The following SEMA6D variants were observed in gnomAD, a reference collection of about 807,000 sequenced individuals.
SEMA6D encodes the protein semaphorin 6D.
Under a neutral mutation model 106.6 loss-of-function variants are expected in SEMA6D, and 35 were observed. The ratio of observed to expected loss-of-function variants is 0.33; its 90% CI spans 0.25 to 0.44. SEMA6D has a LOEUF of 0.44. SEMA6D is among the 20% of genes least tolerant of loss of function. SEMA6D has a pLI of 1.00. For missense variants in SEMA6D, 1,185 were observed against 1,345.9 expected, an observed-to-expected ratio of 0.88 and a Z score of 1.87; for synonymous variants, 499 against 487.7, an observed-to-expected ratio of 1.02 and a Z score of -0.31.
intron 1 of SEMA6D, among the ~76,000 whole-genome samples, chr15:47,313,460 A>T (rs1178346320): frequency 6.6e-6 from 1 of 152,132 alleles, no homozygotes; most frequent in Non-Finnish European, 1.5e-5. Context: ...GCTATTTTTT[A>T]GTGCTGAATA....
At chr15:47,411,866 T>C (rs1342259213) in intron 1 of SEMA6D, among the ~76,000 whole-genome samples, 1 of 152,074 alleles carries the variant, frequency 6.6e-6, no homozygotes, top group Non-Finnish European at 1.5e-5. Flanking sequence ...TCAAGGTCAA[T>C]AGAGGGAATT....
At chr15:47,693,733 G>C (rs1340157458) in intron 4 of SEMA6D, among the ~76,000 whole-genome samples, 1 of 152,110 alleles carries the variant, frequency 6.6e-6, no homozygotes, top group African/African-American at 2.4e-5. Flanking sequence ...TCAGGAGTTA[G>C]AGACCAACCT....
At chr15:47,441,214 G>A (rs1488829566) in intron 2 of SEMA6D, among the ~76,000 whole-genome samples, 1 of 152,062 alleles carries the variant, frequency 6.6e-6, no homozygotes, top group African/African-American at 2.4e-5. Flanking sequence ...AGTGTTGCCA[G>A]TTCCTGACCA....
In SEMA6D at chr15:47,766,840, GA is replaced by G. The variant is rs573169591; in HGVS notation, c.1708+167del. ...GCTGTTCGGTCATGGGGATACATTA[GA>G]AAAGAGGCTTACTTTTTTTTTCCTT... On this transcript the variant is annotated intron_variant, in intron 16 of 18. Coordinates refer to ENST00000536845, the MANE Select transcript of SEMA6D (RefSeq NM_001358351.3). Among the ~76,000 whole-genome samples the G allele has an allele frequency of 2.4e-4, 37 of 152,182 alleles. No individual in the cohort carries two copies. In the South Asian group the frequency reaches 7.3e-3, roughly 30 times the overall value.
intron 1 of SEMA6D, among the ~76,000 whole-genome samples, chr15:47,391,995 C>T (rs1232797230): frequency 2.0e-5 from 3 of 152,082 alleles, no homozygotes; most frequent in Admixed American, 1.3e-4. Flanking sequence ...TCCCAACACC[C>T]ACCCCCTTTG....
rs1013889223 is a variant in SEMA6D, at chr15:47,395,725, A to G, written c.-238-16668A>G. ...AGACCAAATGCTGATATTCAAATCA[A>G]CTTAAAACACACAGAAGAAAGCAAG... On this transcript the variant is annotated intron_variant, in intron 1 of 19. Transcript: ENST00000558014. 3.3e-5 allele frequency: 5 copies of G among 152,378 alleles called. No homozygotes were observed. The East Asian group carries it at 9.6e-4, about 29-fold the overall frequency. 9.4% of individuals were successfully genotyped at this position (152,378 alleles called of 1,614,324 possible).
In SEMA6D at chr15:47,668,014, A is replaced by G. The variant is rs890459508; in HGVS notation, c.-55+67118A>G. ...CTGAATGAATATATACTATTATTAC[A>G]TGAAAATATTTGAATTCTTTAACGT... On this transcript the variant is annotated intron_variant, in intron 4 of 19. Transcript: ENST00000558014. Among the ~76,000 whole-genome samples the G allele has an allele frequency of 5.9e-5, 9 of 152,178 alleles. No homozygotes were observed. In the East Asian group the frequency reaches 1.5e-3, roughly 26 times the overall value.
At chr15:47,567,270 A>G (rs2046255853) in intron 3 of SEMA6D, among the ~76,000 whole-genome samples, 1 of 152,336 alleles carries the variant, frequency 6.6e-6, no homozygotes, top group East Asian at 1.9e-4. Context: ...TTACATTGGA[A>G]ACCCTCACTT....
In SEMA6D at chr15:47,761,737, T is replaced by C; in HGVS notation, c.524T>C (p.Val175Ala). 1 of 1,611,346 alleles carries C rather than the reference T, an allele frequency of 6.2e-7. No individual in the cohort carries two copies. The highest frequency in any genetic ancestry group is 8.5e-7 in the Non-Finnish European group (1 of 1,178,712). Residue 175 changes from valine (V) to alanine (A), a missense_variant, in exon 7 of 19, where the codon GTT becomes GCT. By Grantham distance (64) the Val-to-Ala change is moderately conservative. Coordinates refer to ENST00000536845, the MANE Select transcript of SEMA6D (RefSeq NM_001358351.3). ...CCATTTGATGCCAGACAAACCAATG[T>C]TGCCCTCTTTGCTGGTAAGATCCTT... ...RCPFDARQTN[V>A]ALFADGKLYS... is the part of the protein sequence containing the mutation.
chr15:47,535,493 A>C (rs575896943), intron 3 of SEMA6D, among the ~76,000 whole-genome samples: 1 of 152,244 alleles, frequency 6.6e-6, no homozygotes, highest in South Asian at 2.1e-4. Flanking sequence ...CAGTGGATCT[A>C]GATATTTCTT....
intron 4 of SEMA6D, among the ~76,000 whole-genome samples, chr15:47,649,947 G>T (rs980670494): frequency 6.6e-6 from 1 of 152,182 alleles, no homozygotes; most frequent in African/African-American, 2.4e-5. Context: ...TATTTCTTGT[G>T]AACATAGCTG....
chr15:47,694,081 T>G (rs1376167480), intron 4 of SEMA6D, among the ~76,000 whole-genome samples: 1 of 152,158 alleles, frequency 6.6e-6, no homozygotes, highest in Non-Finnish European at 1.5e-5. Flanking sequence ...GCTCCCAAAC[T>G]AGTTGCATTA....
chr15:47,509,159 T>C (rs2044144470), intron 3 of SEMA6D, among the ~76,000 whole-genome samples: 1 of 152,198 alleles, frequency 6.6e-6, no homozygotes, highest in African/African-American at 2.4e-5. Flanking sequence ...AAATCTTAAC[T>C]TCAGGGCTAC....
intron 1 of SEMA6D, among the ~76,000 whole-genome samples, chr15:47,221,595 A>AT (rs2031215060): frequency 6.6e-6 from 1 of 152,126 alleles, no homozygotes; most frequent in African/African-American, 2.4e-5. Flanking sequence ...TTACTCCTTT[A>AT]TTTTCGCTAA....
intron 1 of SEMA6D, among the ~76,000 whole-genome samples, chr15:47,722,368 G>C (rs12898855): frequency 0.29 from 44,247 of 152,098 alleles, 7,995 homozygotes; most frequent in Non-Finnish European, 0.4. Context: ...GGTGAACTGA[G>C]CAAGTTATTG....
intron 3 of SEMA6D, among the ~76,000 whole-genome samples, chr15:47,568,547 G>A (rs925760142): frequency 6.6e-6 from 1 of 151,972 alleles, no homozygotes; most frequent in African/African-American, 2.4e-5. Flanking sequence ...AAAGGAGAGA[G>A]GAAAGCATAA....
chr15:47,352,003 AG>A (rs2038345930), intron 1 of SEMA6D, among the ~76,000 whole-genome samples: 1 of 152,210 alleles, frequency 6.6e-6, no homozygotes, highest in African/African-American at 2.4e-5. Context: ...AAAATAAATA[AG>A]AACTGTCCTC....
chr15:47,365,890 GGAGAGAGA>G (rs201368884), intron 1 of SEMA6D, among the ~76,000 whole-genome samples: 2,184 of 119,752 alleles, frequency 0.018, 38 homozygotes, highest in East Asian at 0.079. Context: ...GAGAGAGAGA[GGAGAGAGA>G]GAGAGAGAGA....
chr15:47,312,641 C>T (rs914603857), intron 1 of SEMA6D, among the ~76,000 whole-genome samples: 3 of 152,056 alleles, frequency 2.0e-5, no homozygotes, highest in Non-Finnish European at 2.9e-5. Context: ...ACACAAGCTG[C>T]ATAGGTCATT....
Sources: allele counts gnomAD v4.1 joint callset (sites outside exome capture counted in the v4.1 genomes callset), GRCh38; gene constraint gnomAD v4.1.1; transcripts MANE v1.5; gene names NCBI Gene and HGNC (gene_info 2026-07-23, HGNC 2026-07-21).